Variants in SNTG2 observed in about 807,000 individuals in gnomAD.
SNTG2 encodes syntrophin gamma 2.
A neutral mutation model predicts 70.9 loss-of-function variants in SNTG2; 74 were observed. The observed-to-expected ratio is 1.04, with a 90% CI of 0.86 to 1.27. The LOEUF is 1.27. Among genes scored for constraint, SNTG2 ranks in the 50% most tolerant of loss-of-function variants. The probability of loss-of-function intolerance (pLI) is 0.00; values close to 1 mark genes in which losing one functional copy is unlikely to be tolerated. For synonymous variants in SNTG2, 278 were observed against 273.8 expected, an observed-to-expected ratio of 1.02 and a Z score of -0.15; for missense variants, 717 against 690.7, an observed-to-expected ratio of 1.04 and a Z score of -0.43.
At chr2:1,099,398 A>G (rs1295498626) in intron 4 of SNTG2, among the ~76,000 whole-genome samples, 2 of 152,176 alleles carry the variant, frequency 1.3e-5, no homozygotes, top group Non-Finnish European at 2.9e-5. Flanking sequence ...GCTTCTCTCC[A>G]CGCTCCACCA....
chr2:1,328,265 A>G (rs1650319198), intron 16 of SNTG2, among the ~76,000 whole-genome samples: 1 of 152,250 alleles, frequency 6.6e-6, no homozygotes, highest in Non-Finnish European at 1.5e-5. Context: ...CATGTCAGGT[A>G]CCATGTAGGT....
intron 9 of SNTG2, among the ~76,000 whole-genome samples, chr2:1,225,211 G>T (rs1272514752): frequency 6.6e-6 from 1 of 152,128 alleles, no homozygotes; most frequent in Non-Finnish European, 1.5e-5. Context: ...TTCTTCATAG[G>T]ATGATTGTGA....
At chr2:1,047,756 CCCTT>C (rs1202868810) in intron 1 of SNTG2, among the ~76,000 whole-genome samples, 4 of 152,194 alleles carry the variant, frequency 2.6e-5, no homozygotes, top group African/African-American at 9.7e-5. Flanking sequence ...GCAGCCCTCT[CCCTT>C]TCAGTGTTCT....
At chr2:1,156,548 T>A (rs1669909917) in intron 6 of SNTG2, among the ~76,000 whole-genome samples, 1 of 152,114 alleles carries the variant, frequency 6.6e-6, no homozygotes, top group Non-Finnish European at 1.5e-5. Flanking sequence ...AATTTAGAGA[T>A]TAACCAGCCA....
intron 14 of SNTG2, among the ~76,000 whole-genome samples, chr2:1,300,903 A>G (rs1199430590): frequency 6.6e-6 from 1 of 152,134 alleles, no homozygotes; most frequent in African/African-American, 2.4e-5. Flanking sequence ...CCACTGCAGC[A>G]TGTGTCATTT....
At chr2:1,118,889 TG>T (rs1169404412) in intron 4 of SNTG2, among the ~76,000 whole-genome samples, 3 of 152,206 alleles carry the variant, frequency 2.0e-5, no homozygotes, top group African/African-American at 7.2e-5. Flanking sequence ...TTTTCAGTCT[TG>T]GGAGAGATAT....
chr2:1,138,294 A>C (rs1411001705), intron 6 of SNTG2, among the ~76,000 whole-genome samples: 1 of 152,232 alleles, frequency 6.6e-6, no homozygotes, highest in Non-Finnish European at 1.5e-5. Flanking sequence ...TCTGAGGATC[A>C]CATAAGATGG....
rs1660712618 is a variant in SNTG2, at chr2:1,353,931, TAA to T, written c.1489-13410_1489-13409del. On this transcript the variant is annotated intron_variant, in intron 16 of 16. Coordinates refer to ENST00000308624, the MANE Select transcript of SNTG2 (RefSeq NM_018968.4). The surrounding 1 kb of genome is among the most constrained non-coding windows in gnomAD (Gnocchi z 4.2). ...GTGATAGATGGGGCATGCCTGCGCGTAAAGAGTGGGAAAGAAAAAACGTTTTC... is the reference window on the plus strand; with the variant it reads ...GTGATAGATGGGGCATGCCTGCGCGTAGAGTGGGAAAGAAAAAACGTTTTC... 6.6e-6 allele frequency: 1 copy of T among 152,146 alleles called. No homozygotes were observed. Among genetic ancestry groups the T allele is most frequent in the South Asian group, 2.1e-4 (1 of 4,826 alleles). The allele number at this position is 152,146 out of a possible 1,614,324, so 9.4% of individuals were successfully genotyped here. A position where few individuals can be genotyped will look rare whatever the true frequency, so the allele number is the denominator to read the frequency against.
Position 1,222,043 on chromosome 2 carries a change from C to G in SNTG2, c.719+12813C>G, listed in dbSNP as rs1358274695. 5.4e-3 allele frequency among the ~76,000 whole-genome samples: 126 copies of G among 23,270 alleles called. 11 individuals are homozygous for G. Among genetic ancestry groups the G allele is most frequent in the Non-Finnish European group, 7.6e-3 (88 of 11,530 alleles). The allele number at this position is 23,270 out of a possible 152,430, so 15.3% of individuals were successfully genotyped here. On this transcript the variant is annotated intron_variant, in intron 9 of 16. Transcript: ENST00000308624. ...TCTGTCTCTGCCTATCTCTGTCTCT[C>G]TCTGTCTCTCTCTGTCTCTGTTTCT...
At chr2:1,200,605 T>C (rs1282644181) in intron 8 of SNTG2, among the ~76,000 whole-genome samples, 3 of 151,814 alleles carry the variant, frequency 2.0e-5, no homozygotes, top group African/African-American at 7.3e-5. Context: ...ATGAGAAAAA[T>C]ATTTGCAAAC....
intron 1 of SNTG2, among the ~76,000 whole-genome samples, chr2:978,567 T>G (rs768765443): frequency 5.9e-5 from 9 of 152,154 alleles, no homozygotes; most frequent in Non-Finnish European, 1.2e-4. Flanking sequence ...AGATTCAACC[T>G]TCTAGGTGGT....
At position 1,367,587 on chromosome 2, in the gene SNTG2, C is replaced by A; in HGVS notation, c.*113C>A. The stretch of plus-strand genomic sequence containing the variant: ...TATGATGAGCCTATAGTTGTGATAC[C>A]AATAAAACATGTCACTAGTTTCCAA... On this transcript the variant is annotated 3_prime_UTR_variant, in exon 17 of 17. Coordinates refer to ENST00000308624, the MANE Select transcript of SNTG2 (RefSeq NM_018968.4). The A allele has an allele frequency of 1.6e-6, 2 of 1,267,844 alleles. No individual in the cohort carries two copies. The highest frequency in any genetic ancestry group is 2.1e-6 in the Non-Finnish European group (2 of 935,636). 78.5% of individuals were successfully genotyped at this position (1,267,844 alleles called of 1,614,324 possible).
chr2:1,290,324 T>A (rs895553529), intron 14 of SNTG2, among the ~76,000 whole-genome samples: 13 of 151,636 alleles, frequency 8.6e-5, no homozygotes, highest in African/African-American at 3.1e-4. Flanking sequence ...ATCCTTTTTT[T>A]TTTTTTTTGA....
At chr2:1,193,276 C>T (rs968993125) in intron 8 of SNTG2, among the ~76,000 whole-genome samples, 2 of 152,164 alleles carry the variant, frequency 1.3e-5, no homozygotes, top group Admixed American at 6.5e-5. Context: ...CCTGAGTTTT[C>T]TCAGGTGGCA....
intron 4 of SNTG2, among the ~76,000 whole-genome samples, chr2:1,110,271 C>CT (rs1666355162): frequency 6.6e-6 from 1 of 152,140 alleles, no homozygotes; most frequent in Non-Finnish European, 1.5e-5. Context: ...GTCACAGAGA[C>CT]TTATGAGCTT....
chr2:1,222,069 CTCTGTCTCTG>C (rs1675146754), intron 9 of SNTG2, among the ~76,000 whole-genome samples: 3 of 28,676 alleles, frequency 1.0e-4, no homozygotes, highest in Admixed American at 3.9e-4. Flanking sequence ...CTCTGTTTCT[CTCTGTCTCTG>C]TCTCTGTCTC....
chr2:1,266,271 G>T (rs1305685269), intron 13 of SNTG2, among the ~76,000 whole-genome samples: 1 of 152,140 alleles, frequency 6.6e-6, no homozygotes, highest in African/African-American at 2.4e-5. Context: ...CCTAGTAATT[G>T]TGACAACTGG....
chr2:1,050,432 A>T (rs1245224280), intron 1 of SNTG2, among the ~76,000 whole-genome samples: 7 of 152,066 alleles, frequency 4.6e-5, no homozygotes, highest in Admixed American at 3.9e-4. Flanking sequence ...TATTCTTTCC[A>T]AACTTCACTG....
At chr2:1,122,897 T>C (rs985455653) in intron 4 of SNTG2, among the ~76,000 whole-genome samples, 4 of 147,782 alleles carry the variant, frequency 2.7e-5, no homozygotes, top group Non-Finnish European at 5.9e-5. Context: ...ATTAATAGCA[T>C]TGTCATACAC....
Sources: allele counts gnomAD v4.1 joint callset (sites outside exome capture counted in the v4.1 genomes callset), GRCh38; gene constraint gnomAD v4.1.1; non-coding constraint Gnocchi (gnomAD v3.1); transcripts MANE v1.5; gene names NCBI Gene and HGNC (gene_info 2026-07-23, HGNC 2026-07-21).